SLC24A5: variants seen among roughly 807,000 people sequenced by gnomAD.
The protein encoded by SLC24A5 is sodium/potassium/calcium exchanger 5.
SLC24A5 carries 46 observed loss-of-function variants against 51.6 expected under a neutral mutation model. That is an observed-to-expected ratio of 0.89 (90% CI 0.70 to 1.14). SLC24A5 has a LOEUF of 1.14. SLC24A5 is among the 50% of genes most tolerant of loss of function. The pLI is 0.00. For missense variants in SLC24A5, 581 were observed against 604.1 expected (o/e 0.96, Z 0.40); for synonymous variants, 230 against 214.9 (o/e 1.07, Z -0.62).
At chr15:48,122,675 TGAG>T (rs1308829226) in intron 2 of SLC24A5, 2 of 153,678 alleles carry the variant, frequency 1.3e-5, no homozygotes, top group Non-Finnish European at 2.9e-5. Context: ...TCCAAGCCTC[TGAG>T]CTCTGTTCCT....
chr15:48,122,521 AAATT>A (rs1213419625), intron 2 of SLC24A5: 1 of 170,626 alleles, frequency 5.9e-6, no homozygotes, highest in African/African-American at 2.4e-5. Context: ...ACCATTAAGG[AAATT>A]AATTGATATT....
chr15:48,141,010 G>A, intron 7 of SLC24A5, 103 bp from the exon 8 acceptor site: 4 of 865,092 alleles, frequency 4.6e-6, no homozygotes, highest in South Asian at 3.2e-5. Context: ...AATTCTAAAT[G>A]TGCCTATTTT....
At position 48,134,433 on chromosome 15, in the gene SLC24A5, A is replaced by G; in HGVS notation, c.386-2A>G. The G allele has an allele frequency of 6.2e-7, 1 of 1,611,874 alleles. No individual in the cohort carries two copies. Among genetic ancestry groups the G allele is most frequent in the Non-Finnish European group, 8.5e-7 (1 of 1,178,078 alleles). ...ACTTAGCTGGTACTATCTTGCACAT[A>G]GGTGTATTTATCACAAAGGGAGATA... On this transcript the variant is annotated splice_acceptor_variant, in intron 3 of 8. Transcript: ENST00000341459. LOFTEE classifies it high-confidence loss of function.
At position 48,139,192 on chromosome 15, in the gene SLC24A5, C is replaced by T. The variant is rs1436283063; in HGVS notation, c.1078+17C>T. The T allele has an allele frequency of 6.4e-7, 1 of 1,570,918 alleles. No individual in the cohort carries two copies. Among genetic ancestry groups the T allele is most frequent in the Non-Finnish European group, 8.7e-7 (1 of 1,144,892 alleles). ...CAATAACTGGTATGTATTTTAAGTA[C>T]AATAGCACAACTTGAAAATATTCAT... On this transcript the variant is annotated intron_variant, in intron 7 of 8. Coordinates refer to ENST00000341459, the MANE Select transcript of SLC24A5 (RefSeq NM_205850.3).
intron 2 of SLC24A5, among the ~76,000 whole-genome samples, chr15:48,128,224 T>C (rs935814464): frequency 6.6e-6 from 1 of 152,052 alleles, no homozygotes; most frequent in Non-Finnish European, 1.5e-5. Flanking sequence ...CCCCTTAAGA[T>C]TGGTCACTGG....
At chr15:48,122,228 G>A (rs2038687242) in intron 2 of SLC24A5, 192 bp downstream of exon 2, 5 of 618,706 alleles carry the variant, frequency 8.1e-6, no homozygotes, top group African/African-American at 1.8e-5. Context: ...GTGAATCAGA[G>A]TTTCTTCAAG....
chr15:48,126,699 T>C (rs1567221116), intron 2 of SLC24A5, among the ~76,000 whole-genome samples: 1 of 152,106 alleles, frequency 6.6e-6, no homozygotes, highest in African/African-American at 2.4e-5. Flanking sequence ...GGGGTGTGTA[T>C]GAGAGACAGG....
Position 48,136,752 on chromosome 15 carries a change from T to C in SLC24A5, c.660T>C (p.Ile220=). The C allele has an allele frequency of 1.9e-6, 3 of 1,613,580 alleles. No homozygotes were observed. Among genetic ancestry groups the C allele is most frequent in the Non-Finnish European group, 2.5e-6 (3 of 1,179,758 alleles). Residue 220 remains isoleucine (I), a synonymous_variant, in exon 6 of 9, where the codon ATT becomes ATC. Coordinates refer to ENST00000341459, the MANE Select transcript of SLC24A5 (RefSeq NM_205850.3). ...YVLVLCFDIK[I]NQYIIKKCSP... is the part of the protein sequence containing the mutation. Reference sequence around the variant, plus strand: ...TGGTGCTGTGTTTTGACATTAAAATTAACCAATATATTATAAAGAAATGCA... The same window carrying C: ...TGGTGCTGTGTTTTGACATTAAAATCAACCAATATATTATAAAGAAATGCA...
At chr15:48,129,993 T>C (rs1024607191) in intron 2 of SLC24A5, among the ~76,000 whole-genome samples, 1 of 152,080 alleles carries the variant, frequency 6.6e-6, no homozygotes, top group African/African-American at 2.4e-5. Context: ...AAGGAGATTT[T>C]CAAAAACCAT....
chr15:48,122,117 G>A (rs752347135), intron 2 of SLC24A5, 81 bp downstream of exon 2: 3 of 1,440,184 alleles, frequency 2.1e-6, no homozygotes, highest in African/African-American at 1.4e-5. Context: ...TAGCTCAGCA[G>A]CTGTCCTGTA....
At chr15:48,125,743 C>T (rs896962209) in intron 2 of SLC24A5, among the ~76,000 whole-genome samples, 21 of 152,304 alleles carry the variant, frequency 1.4e-4, no homozygotes, top group African/African-American at 4.8e-4. Context: ...TATCCATAAG[C>T]TCCCAGGCCT....
At chr15:48,129,121 G>C (rs1478818247) in intron 2 of SLC24A5, among the ~76,000 whole-genome samples, 1 of 152,088 alleles carries the variant, frequency 6.6e-6, no homozygotes, top group Non-Finnish European at 1.5e-5. Flanking sequence ...GGGATAGGGA[G>C]AGTCTTTTTC....
At chr15:48,140,933 G>T (rs533615990) in intron 7 of SLC24A5, 180 bp from the exon 8 acceptor site, 3 of 503,400 alleles carry the variant, frequency 6.0e-6, no homozygotes, top group African/African-American at 1.9e-5. Context: ...TGGGTTACCC[G>T]AATTACCAGC....
chr15:48,139,661 A>G (rs1205118282), intron 7 of SLC24A5: 1 of 152,648 alleles, frequency 6.6e-6, no homozygotes, highest in Admixed American at 6.5e-5. Flanking sequence ...GAAATGAGTG[A>G]AAAGGGCATA....
intron 2 of SLC24A5, among the ~76,000 whole-genome samples, chr15:48,126,887 G>C (rs2038737558): frequency 1.3e-5 from 2 of 152,030 alleles, no homozygotes; most frequent in Admixed American, 1.3e-4. Context: ...TGTTTGCTTG[G>C]GGCTTTTTCC....
chr15:48,133,383 CT>C (rs1319891378), intron 2 of SLC24A5, among the ~76,000 whole-genome samples: 14 of 152,074 alleles, frequency 9.2e-5, no homozygotes, highest in African/African-American at 3.4e-4. Context: ...TTCTCTGTTC[CT>C]TCCCATGGTA....
chr15:48,133,154 G>A (rs1453642069), intron 2 of SLC24A5, among the ~76,000 whole-genome samples: 2 of 152,088 alleles, frequency 1.3e-5, no homozygotes, highest in Non-Finnish European at 2.9e-5. Flanking sequence ...GAAGACTGAA[G>A]CGTCAAAAAC....
Position 48,121,142 on chromosome 15 carries a change from C to A in SLC24A5, c.98C>A (p.Pro33His). The A allele has an allele frequency of 6.2e-7, 1 of 1,613,318 alleles. No individual in the cohort carries two copies. Among genetic ancestry groups the A allele is most frequent in the East Asian group, 2.2e-5 (1 of 44,808 alleles). ...CTGCCTCTCTCAGGGACCTCCCTGC[C>A]CCAACGTCTCCCAAGGGCCACAGGT... ...AHLPLSGTSL[P>H]QRLPRATGNS... is the part of the protein sequence containing the mutation. The change falls in exon 1 of 9, where the codon CCC becomes CAC. Residue 33 changes from proline to histidine, a missense_variant. Pro to His is a moderately conservative substitution (Grantham distance 77). Coordinates refer to ENST00000341459, the MANE Select transcript of SLC24A5 (RefSeq NM_205850.3).
At chr15:48,124,256 T>C (rs2038709245) in intron 2 of SLC24A5, 1 of 152,060 alleles carries the variant, frequency 6.6e-6, no homozygotes, top group Admixed American at 6.5e-5. Context: ...TTTTTAAAAT[T>C]TATTTATTTT....
Sources: gnomAD v4.1 joint callset for allele counts (sites outside exome capture counted in the v4.1 genomes callset) on GRCh38, gnomAD v4.1.1 for gene constraint, MANE v1.5 for transcripts, NCBI Gene and HGNC (gene_info 2026-07-23, HGNC 2026-07-21) for gene names.